The following TRAPPC9 variants were observed in gnomAD, a reference collection of about 807,000 sequenced individuals.
TRAPPC9 encodes IKK2 binding protein.
TRAPPC9 carries 83 observed loss-of-function variants against 124.0 expected under a neutral mutation model. The observed-to-expected ratio is 0.67, with a 90% CI of 0.56 to 0.80. The LOEUF is 0.80. TRAPPC9 is among the 30% of genes least tolerant of loss of function. The probability of loss-of-function intolerance (pLI) is 0.00; values close to 1 mark genes in which losing one functional copy is unlikely to be tolerated. For synonymous variants in TRAPPC9, 638 were observed against 617.5 expected (o/e 1.03, Z -0.49); for missense variants, 1,302 against 1,508.3 (o/e 0.86, Z 2.27).
At chr8:140,037,786 C>T (rs1840997449) in intron 17 of TRAPPC9, among the ~76,000 whole-genome samples, 1 of 148,124 alleles carries the variant, frequency 6.8e-6, no homozygotes, top group African/African-American at 2.5e-5. Flanking sequence ...CAGACATGCA[C>T]ACCACACGCA....
rs1282321043 is a variant in TRAPPC9, at chr8:140,360,305, A to T, written c.1352-112T>A. 2.2e-5 allele frequency: 29 copies of T among 1,345,636 alleles called. No homozygotes were observed. In the East Asian group the frequency reaches 7.0e-4, roughly 33 times the overall value. The allele number at this position is 1,345,636 out of a possible 1,614,324, so 83.4% of individuals were successfully genotyped here. ...TGAAGACAGATGCCTCAACCACCAA[A>T]CTCCAAGAGCAACAAAAAATATTTC... is the stretch of plus-strand genomic sequence containing the variant. On this transcript the variant is annotated intron_variant, in intron 8 of 22. Coordinates refer to ENST00000438773, the MANE Select transcript of TRAPPC9 (RefSeq NM_001160372.4).
intron 21 of TRAPPC9, among the ~76,000 whole-genome samples, chr8:139,783,591 A>G (rs1038288896): frequency 3.9e-5 from 6 of 152,248 alleles, no homozygotes; most frequent in African/African-American, 7.2e-5. Flanking sequence ...ATTCTACCAA[A>G]CATTGAAGAA....
At chr8:139,988,494 T>C (rs1217537333) in intron 19 of TRAPPC9, among the ~76,000 whole-genome samples, 3 of 152,152 alleles carry the variant, frequency 2.0e-5, no homozygotes, top group Admixed American at 1.3e-4. Context: ...TGAAAGCACA[T>C]GTTGCTACTT....
At chr8:139,797,923 G>T (rs1223627153) in intron 21 of TRAPPC9, among the ~76,000 whole-genome samples, 1 of 152,096 alleles carries the variant, frequency 6.6e-6, no homozygotes, top group East Asian at 1.9e-4. Context: ...TTTTGAAATT[G>T]GGAAGTGTGA....
At chr8:140,155,290 G>A (rs1018036452) in intron 17 of TRAPPC9, among the ~76,000 whole-genome samples, 8 of 152,182 alleles carry the variant, frequency 5.3e-5, no homozygotes, top group South Asian at 2.1e-4. Flanking sequence ...TGCTAAGGCC[G>A]ACTTGGTGAG....
In TRAPPC9 at chr8:140,268,151, A is replaced by T. The variant is rs181921723; in HGVS notation, c.2278+7507T>A. Among the ~76,000 whole-genome samples the T allele has an allele frequency of 1.8e-3, 168 of 93,050 alleles. 4 individuals carry two copies. The South Asian group carries it at 0.045, about 25-fold the overall frequency. The allele number at this position is 93,050 out of a possible 152,430, so 61.0% of individuals were successfully genotyped here. ...AGAATAAGGATAACTTAAAAATAAA[A>T]ATCAATCCACAACCAAGTCCTATGC... On this transcript the variant is annotated intron_variant, in intron 15 of 22. Transcript: ENST00000438773.
At chr8:140,215,751 C>A (rs1317293747) in intron 17 of TRAPPC9, among the ~76,000 whole-genome samples, 1 of 152,112 alleles carries the variant, frequency 6.6e-6, no homozygotes, top group Non-Finnish European at 1.5e-5. Context: ...TCCCCACTCA[C>A]CTCATAGGAT....
chr8:140,229,285 G>A (rs1394254472), intron 16 of TRAPPC9, among the ~76,000 whole-genome samples: 11 of 93,292 alleles, frequency 1.2e-4, no homozygotes, highest in African/African-American at 5.7e-4. Context: ...TTTTTTTTGA[G>A]ACACAATCTC....
At chr8:140,368,608 C>A (rs2068190662) in intron 8 of TRAPPC9, among the ~76,000 whole-genome samples, 1 of 152,152 alleles carries the variant, frequency 6.6e-6, no homozygotes, top group South Asian at 2.1e-4. Flanking sequence ...CCACAGCAGT[C>A]CAGAGCAGAA....
At chr8:140,400,953 A>G (rs902027339) in intron 6 of TRAPPC9, among the ~76,000 whole-genome samples, 1 of 152,060 alleles carries the variant, frequency 6.6e-6, no homozygotes, top group Non-Finnish European at 1.5e-5. Flanking sequence ...AGTTATCCCA[A>G]CTGGACTGAT....
At chr8:139,809,091 C>G (rs1358411963) in intron 21 of TRAPPC9, among the ~76,000 whole-genome samples, 1 of 152,202 alleles carries the variant, frequency 6.6e-6, no homozygotes, top group Non-Finnish European at 1.5e-5. Context: ...ATTTCATTAT[C>G]AAAAACATCT....
intron 5 of TRAPPC9, among the ~76,000 whole-genome samples, chr8:140,425,714 TTTGTCATCAGTG>T (rs2070400392): frequency 6.6e-6 from 1 of 151,966 alleles, no homozygotes; most frequent in African/African-American, 2.4e-5. Flanking sequence ...ATCCATTTCA[TTTGTCATCAGTG>T]TTGGCGGGGC....
chr8:140,408,316 A>T (rs1422853847), intron 5 of TRAPPC9, among the ~76,000 whole-genome samples: 1 of 152,134 alleles, frequency 6.6e-6, no homozygotes, highest in Non-Finnish European at 1.5e-5. Flanking sequence ...CACCACCAAA[A>T]AGGTTCTCAA....
At chr8:140,380,759 C>T (rs1308895212) in intron 7 of TRAPPC9, among the ~76,000 whole-genome samples, 1 of 150,460 alleles carries the variant, frequency 6.6e-6, no homozygotes, top group East Asian at 1.9e-4. Context: ...CAAAAACTAA[C>T]CCTATAAAGT....
intron 17 of TRAPPC9, among the ~76,000 whole-genome samples, chr8:140,122,916 G>T (rs1027276798): frequency 1.3e-5 from 2 of 152,214 alleles, no homozygotes; most frequent in Non-Finnish European, 2.9e-5. Context: ...CCGAGCACGA[G>T]GTTATTCACA....
At position 140,397,616 on chromosome 8, in the gene TRAPPC9, T is replaced by G; in HGVS notation, c.1134+4A>C. ...CTTCCACTTACAGGTAGACATACAC[T>G]CACCTGTCGAAGGTTAATGTAAACT... On this transcript the variant is annotated splice_donor_region_variant and intron_variant, in intron 7 of 22. Transcript: ENST00000438773. The G allele has an allele frequency of 6.2e-7, 1 of 1,613,886 alleles. No individual in the cohort carries two copies. The highest frequency in any genetic ancestry group is 8.5e-7 in the Non-Finnish European group (1 of 1,179,842).
At chr8:140,194,187 C>T (rs374504508) in intron 17 of TRAPPC9, among the ~76,000 whole-genome samples, 1 of 152,026 alleles carries the variant, frequency 6.6e-6, no homozygotes, top group African/African-American at 2.4e-5. Flanking sequence ...CTATCTTTTC[C>T]GCCTCTACAT....
At chr8:139,770,829 TGCAGGAAG>T (rs1465879043) in intron 21 of TRAPPC9, among the ~76,000 whole-genome samples, 1 of 152,130 alleles carries the variant, frequency 6.6e-6, no homozygotes, top group Non-Finnish European at 1.5e-5. Context: ...AAGACAGTAG[TGCAGGAAG>T]GCAGCTGAGG....
intron 19 of TRAPPC9, among the ~76,000 whole-genome samples, chr8:139,981,543 C>T (rs34583412): frequency 0.098 from 14,862 of 152,222 alleles, 766 homozygotes; most frequent in South Asian, 0.11. Context: ...GGGCGCCACA[C>T]GGTTAAGCAT....
Sources: gnomAD v4.1 joint callset for allele counts (sites outside exome capture counted in the v4.1 genomes callset) on GRCh38, gnomAD v4.1.1 for gene constraint, MANE v1.5 for transcripts, NCBI Gene and HGNC (gene_info 2026-07-23, HGNC 2026-07-21) for gene names.